MCRS1: variants seen among roughly 807,000 people sequenced by gnomAD.
MCRS1 encodes 58 kDa microspherule protein.
A neutral mutation model predicts 62.9 loss-of-function variants in MCRS1; 22 were observed. That is an observed-to-expected ratio of 0.35 (90% CI 0.25 to 0.50). The LOEUF (loss-of-function observed/expected upper bound fraction) is 0.50. Ranked by LOEUF, MCRS1 falls within the 20% of genes least tolerant of loss-of-function variation. The pLI is 0.98. For missense variants in MCRS1, 456 were observed against 601.1 expected (o/e 0.76, Z 2.52); for synonymous variants, 244 against 233.5 (o/e 1.04, Z -0.41).
In MCRS1 at chr12:49,559,477, C is replaced by T. The variant is rs1174236948; in HGVS notation, c.1062G>A (p.Val354=). ...CCTCACGCGAGCGCATCAGGTACCGCACCATGCGGCCCCGCAGCACTGCCA... is the reference window on the plus strand; with the variant it reads ...CCTCACGCGAGCGCATCAGGTACCGTACCATGCGGCCCCGCAGCACTGCCA... ...QTLAVLRGRM[V]RYLMRSREIT... Residue 354 remains valine (V), a synonymous_variant, in exon 12 of 15, where the codon GTG becomes GTA. Coordinates refer to ENST00000343810, the MANE Select transcript of MCRS1 (RefSeq NM_006337.5). The surrounding 1 kb of genome is among the most constrained non-coding windows in gnomAD (Gnocchi z 5.2). 2.5e-6 allele frequency: 4 copies of T among 1,613,504 alleles called. No homozygotes were observed. The South Asian group carries it at 4.4e-5, about 18-fold the overall frequency.
At position 49,566,781 on chromosome 12, in the gene MCRS1, A is replaced by T. The variant is rs748960886; in HGVS notation, c.-50T>A. 4 of 1,608,066 alleles carry T rather than the reference A, an allele frequency of 2.5e-6. No homozygotes were observed. Among genetic ancestry groups the T allele is most frequent in the Non-Finnish European group, 3.4e-6 (4 of 1,176,642 alleles). On this transcript the variant is annotated 5_prime_UTR_variant, in exon 2 of 15. Transcript: ENST00000343810. ...GTTCCAAACCACCGGGCTAGGAGGAACGGTCCCACAGGCTCATCCAAGGAT... is the reference window on the plus strand; with the variant it reads ...GTTCCAAACCACCGGGCTAGGAGGATCGGTCCCACAGGCTCATCCAAGGAT...
At chr12:49,565,779 C>A (rs1049277509) in intron 3 of MCRS1, 112 bp from the exon 4 acceptor site, 4 of 1,477,126 alleles carry the variant, frequency 2.7e-6, no homozygotes, top group Non-Finnish European at 3.8e-6. Context: ...CTGCTCCAGC[C>A]TGCTTTCACT....
chr12:49,559,382 C>A lies in MCRS1; in HGVS notation c.1086+71G>T, dbSNP rs761670646. On this transcript the variant is annotated intron_variant, in intron 12 of 14. Transcript: ENST00000343810. The surrounding 1 kb of genome is among the most constrained non-coding windows in gnomAD (Gnocchi z 5.2). ...ATGCAGGCCAGAGAAAGATGGGAAA[C>A]CAAGGACTACGCAGAGAAAGGCACT... 4.3e-6 allele frequency: 7 copies of A among 1,609,786 alleles called. No homozygotes were observed. In the South Asian group the frequency reaches 7.7e-5, roughly 18 times the overall value.
Position 49,559,725 on chromosome 12 carries a change from T to A in MCRS1, c.1003+4A>T, listed in dbSNP as rs1938656532. On this transcript the variant is annotated splice_donor_region_variant and intron_variant, in intron 11 of 14. Transcript: ENST00000343810. The surrounding 1 kb of genome is among the most constrained non-coding windows in gnomAD (Gnocchi z 5.2). The stretch of plus-strand genomic sequence containing the variant: ...TGAGCCTTCTGGTGCCCAGGCCTCC[T>A]CACCTGTGATGCTGTCCACTAGCAC... 1 of 1,613,998 alleles carries A rather than the reference T, an allele frequency of 6.2e-7. No individual in the cohort carries two copies. The highest frequency in any genetic ancestry group is 1.3e-5 in the African/African-American group (1 of 74,928).
chr12:49,565,340 G>T (rs1938999953), intron 4 of MCRS1, 189 bp downstream of exon 4: 1 of 985,286 alleles, frequency 1.0e-6, no homozygotes, highest in African/African-American at 1.7e-5. Context: ...GGTTGGGGGT[G>T]GGGGCTGCAG....
Position 49,564,732 on chromosome 12 carries a change from A to C in MCRS1, c.447+5T>G. 6.2e-7 allele frequency: 1 copy of C among 1,608,190 alleles called. No individual in the cohort carries two copies. On this transcript the variant is annotated splice_donor_5th_base_variant and intron_variant, in intron 5 of 14. Coordinates refer to ENST00000343810, the MANE Select transcript of MCRS1 (RefSeq NM_006337.5). ...GGCACACTGAGCCTATGGTGGGGGC[A>C]CTACCTGCAACACAGCATTTATGAG... is the stretch of plus-strand genomic sequence containing the variant.
chr12:49,565,237 C>T (rs1388218160), intron 4 of MCRS1: 2 of 985,420 alleles, frequency 2.0e-6, no homozygotes, highest in South Asian at 9.4e-5. Flanking sequence ...GTTATTTTTA[C>T]ACTCTGCAAT....
chr12:49,560,251 T>G, intron 9 of MCRS1, 44 bp downstream of exon 9: 1 of 1,593,772 alleles, frequency 6.3e-7, no homozygotes, highest in Admixed American at 1.7e-5. Flanking sequence ...CTGACAGGAG[T>G]GACTCGGCTC....
At chr12:49,560,268 C>T (rs368601453) in intron 9 of MCRS1, 27 bp downstream of exon 9, 48 of 1,610,674 alleles carry the variant, frequency 3.0e-5, no homozygotes, top group Non-Finnish European at 4.1e-5. Flanking sequence ...GCTCTCTCCA[C>T]CCCTTCCTGT....
In MCRS1 at chr12:49,563,104, C is replaced by G. The variant is rs1938859365; in HGVS notation, c.702G>C (p.Leu234=). Residue 234 remains leucine (L), a synonymous_variant, in exon 8 of 15, where the codon CTG becomes CTC. Transcript: ENST00000343810. ...SQPTLETFQD[L]LHRHPDAFYL... Reference sequence around the variant, plus strand: ...AGAAGGCATCAGGGTGTCTGTGCAGCAGGTCCTGGAAGGTCTCCAAGGTGG... The same window carrying G: ...AGAAGGCATCAGGGTGTCTGTGCAGGAGGTCCTGGAAGGTCTCCAAGGTGG... 1.3e-6 allele frequency: 2 copies of G among 1,565,390 alleles called. No individual in the cohort carries two copies. The highest frequency in any genetic ancestry group is 1.9e-5 in the Admixed American group (1 of 53,160).
At position 49,559,539 on chromosome 12, in the gene MCRS1, G is replaced by C; in HGVS notation, c.1004-4C>G. The stretch of plus-strand genomic sequence containing the variant: ...TCGAAGTCCGGAGAGCTCATGCCTG[G>C]GAGAAGAGGGAGTTTGGAAGAGCCT... On this transcript the variant is annotated splice_region_variant and splice_polypyrimidine_tract_variant and intron_variant, in intron 11 of 14. Transcript: ENST00000343810. The surrounding 1 kb of genome is among the most constrained non-coding windows in gnomAD (Gnocchi z 5.2). 6.2e-7 allele frequency: 1 copy of C among 1,609,074 alleles called. No homozygotes were observed. The highest frequency in any genetic ancestry group is 8.5e-7 in the Non-Finnish European group (1 of 1,180,010).
At position 49,564,748 on chromosome 12, in the gene MCRS1, C is replaced by A. The variant is rs771819023; in HGVS notation, c.436G>T (p.Ala146Ser). Residue 146 changes from alanine (A) to serine (S), a missense_variant, in exon 5 of 15, where the codon GCT (alanine) becomes TCT (serine). Coordinates refer to ENST00000343810, the MANE Select transcript of MCRS1 (RefSeq NM_006337.5). ...GGTGGGGGCACTACCTGCAACACAG[C>A]ATTTATGAGCAGGAGGTCATCTGCA... is the stretch of plus-strand genomic sequence containing the variant. The part of the protein sequence containing the change: ...KPADDLLLIN[A>S]VLQTNDLTSV... The A allele has an allele frequency of 1.2e-6, 2 of 1,611,480 alleles. No individual in the cohort carries two copies. Among genetic ancestry groups the A allele is most frequent in the Admixed American group, 1.7e-5 (1 of 59,864 alleles).
chr12:49,564,861 C>T lies in MCRS1; in HGVS notation c.323G>A (p.Ser108Asn). 6.2e-7 allele frequency: 1 copy of T among 1,611,706 alleles called. No homozygotes were observed. Among genetic ancestry groups the T allele is most frequent in the South Asian group, 1.1e-5 (1 of 90,882 alleles). The change falls in exon 5 of 15, where the codon AGC (serine) becomes AAC (asparagine). Residue 108 changes from serine (S) to asparagine (N), a missense_variant. Ser to Asn is a conservative substitution (Grantham distance 46). Around this residue, in one of 3 missense-constraint regions of MCRS1, gnomAD observed 393 missense variants for 523.5 expected, o/e 0.75. Coordinates refer to ENST00000343810, the MANE Select transcript of MCRS1 (RefSeq NM_006337.5). ...GGTGAGTCCAGGGGCTGGGGCTGGG[C>T]TGGGTGGCACAGGAGTGCTGGGGGC... ...SKAPSTPVPP[S>N]PAPAPGLTKR...
intron 8 of MCRS1, 127 bp from the exon 9 acceptor site, chr12:49,560,497 C>A: frequency 1.3e-6 from 1 of 794,700 alleles, no homozygotes; most frequent in East Asian, 2.5e-5. Context: ...AGCAAGGGTG[C>A]CCATACCAGA....
At chr12:49,563,241 A>G in intron 7 of MCRS1, 102 bp from the exon 8 acceptor site, 4 of 1,505,672 alleles carry the variant, frequency 2.7e-6, no homozygotes, top group Non-Finnish European at 3.6e-6. Flanking sequence ...AGGAGCTGGA[A>G]GAAGCAAGCT....
rs765662096 is a variant in MCRS1, at chr12:49,558,685, A to G, written c.1347T>C (p.Ile449=). ...RFVFLINQDL[I]ALIRAEAAKI... ...TGGCAGCCTCAGCCCTGATGAGGGC[A>G]ATGAGGTCCTGGTTGATAAGGAAGA... The change falls in exon 15 of 15, where the codon ATT becomes ATC. Residue 449 remains isoleucine, a synonymous_variant. Transcript: ENST00000343810. The G allele has an allele frequency of 1.9e-6, 3 of 1,613,694 alleles. No individual in the cohort carries two copies. Among genetic ancestry groups the G allele is most frequent in the Non-Finnish European group, 2.5e-6 (3 of 1,180,014 alleles).
Position 49,564,478 on chromosome 12 carries a change from C to A in MCRS1, c.557+3G>T. On this transcript the variant is annotated splice_donor_region_variant and intron_variant, in intron 6 of 14. Transcript: ENST00000343810. The stretch of plus-strand genomic sequence containing the variant: ...CCCACTGCTGGAACCAGCTCCCACT[C>A]ACTTGGAGATGACAGGATCGTAGAG... The A allele has an allele frequency of 6.2e-7, 1 of 1,609,982 alleles. No homozygotes were observed. The highest frequency in any genetic ancestry group is 1.1e-5 in the South Asian group (1 of 90,568).
At chr12:49,563,664 C>T (rs1259230626) in intron 6 of MCRS1, 118 bp from the exon 7 acceptor site, 1 of 713,880 alleles carries the variant, frequency 1.4e-6, no homozygotes, top group Non-Finnish European at 2.3e-6. Flanking sequence ...AGGCCAGGCC[C>T]TCATTAGGAA....
Position 49,560,141 on chromosome 12 carries a change from C to A in MCRS1, c.881+154G>T, listed in dbSNP as rs138684369. On this transcript the variant is annotated intron_variant, in intron 9 of 14. Transcript: ENST00000343810. ...TGGGGATAAGGGTAAAGCAGCGGAGCCTAAGAAGGCCCCAGTGGGAGGGGA... is the reference window on the plus strand; with the variant it reads ...TGGGGATAAGGGTAAAGCAGCGGAGACTAAGAAGGCCCCAGTGGGAGGGGA... 2.6e-5 allele frequency among the ~76,000 whole-genome samples: 4 copies of A among 152,294 alleles called. No individual in the cohort carries two copies. The East Asian group carries it at 7.7e-4, about 29-fold the overall frequency.
Sources: allele counts gnomAD v4.1 joint callset (sites outside exome capture counted in the v4.1 genomes callset), GRCh38; gene constraint gnomAD v4.1.1; regional missense constraint gnomAD v4.1.1; non-coding constraint Gnocchi (gnomAD v3.1); transcripts MANE v1.5; gene names NCBI Gene and HGNC (gene_info 2026-07-23, HGNC 2026-07-21).